ENTPD7: variants seen among roughly 807,000 people sequenced by gnomAD.
ENTPD7 encodes ectonucleoside triphosphate diphosphohydrolase 7, also known as NTPDase 7.
ENTPD7 carries 53 observed loss-of-function variants against 77.9 expected under a neutral mutation model. The ratio of observed to expected loss-of-function variants is 0.68; its 90% CI spans 0.55 to 0.85. The LOEUF (loss-of-function observed/expected upper bound fraction) is 0.85, where lower values mean the gene tolerates loss of function less well. ENTPD7 is among the 40% of genes least tolerant of loss of function. The pLI is 0.00. For missense variants in ENTPD7, 636 were observed against 743.7 expected, an observed-to-expected ratio of 0.86 and a Z score of 1.68; for synonymous variants, 248 against 274.9, an observed-to-expected ratio of 0.90 and a Z score of 0.97.
intron 3 of ENTPD7, among the ~76,000 whole-genome samples, chr10:99,665,694 T>C (rs992923729): frequency 6.6e-5 from 10 of 152,046 alleles, no homozygotes; most frequent in Admixed American, 2.0e-4. Context: ...CTTTTCTTTT[T>C]TTTTTTTCTT....
chr10:99,701,114 A>T (rs2036113880), intron 11 of ENTPD7, 56 bp downstream of exon 11: 7 of 1,343,600 alleles, frequency 5.2e-6, no homozygotes, highest in Non-Finnish European at 7.5e-6. Flanking sequence ...ATGGCAGATT[A>T]TAATGGAGAG....
chr10:99,677,211 T>C (rs1469625677), intron 3 of ENTPD7, among the ~76,000 whole-genome samples: 1 of 152,154 alleles, frequency 6.6e-6, no homozygotes, highest in Non-Finnish European at 1.5e-5. Flanking sequence ...TTTCTATTTG[T>C]AATGCTGAAT....
At chr10:99,702,055 A>G (rs527970462) in intron 11 of ENTPD7, among the ~76,000 whole-genome samples, 13 of 151,854 alleles carry the variant, frequency 8.6e-5, no homozygotes, top group African/African-American at 3.1e-4. Flanking sequence ...TCTCAAAAAA[A>G]AACAAAAATT....
At position 99,702,658 on chromosome 10, in the gene ENTPD7, G is replaced by A. The variant is rs201017032; in HGVS notation, c.1568G>A (p.Arg523Gln). ...CTGGGAGCCATTCTATATAAAACAC[G>A]ATTCTTACCACTCAGGTAAAGTAAG... ...WTLGAILYKT[R>Q]FLPLRDLRQE... is the part of the protein sequence containing the mutation. The change falls in exon 12 of 13, where the codon CGA (arginine) becomes CAA (glutamine). Residue 523 changes from arginine to glutamine, a missense_variant. Transcript: ENST00000370489. 440 of 1,611,004 alleles carry A rather than the reference G, an allele frequency of 2.7e-4. No homozygotes were observed. The highest frequency in any genetic ancestry group is 3.6e-4 in the Non-Finnish European group (428 of 1,178,880).
Position 99,669,611 on chromosome 10 carries a change from C to CT in ENTPD7, c.191+7990dup, listed in dbSNP as rs1239525309. On this transcript the variant is annotated intron_variant, in intron 3 of 12. Coordinates refer to ENST00000370489, the MANE Select transcript of ENTPD7 (RefSeq NM_020354.5). ...CCAAAACTGTGTTTTTTTTAATACA[C>CT]TTTTTTTAGAGCCATTTTAGTTTTA... 4.0e-5 allele frequency among the ~76,000 whole-genome samples: 6 copies of CT among 151,750 alleles called. No individual in the cohort carries two copies. The East Asian group carries it at 5.8e-4, about 15-fold the overall frequency.
At chr10:99,703,048 G>A (rs1180608110) in intron 12 of ENTPD7, among the ~76,000 whole-genome samples, 1 of 152,206 alleles carries the variant, frequency 6.6e-6, no homozygotes, top group Non-Finnish European at 1.5e-5. Flanking sequence ...CTAAAGAACA[G>A]GGGTAGGATG....
chr10:99,689,314 C>CAA (rs2035851916), intron 7 of ENTPD7, among the ~76,000 whole-genome samples: 1 of 152,090 alleles, frequency 6.6e-6, no homozygotes, highest in Non-Finnish European at 1.5e-5. Context: ...GAACAAGGGT[C>CAA]ATGCATTGCA....
At chr10:99,696,357 T>C (rs1367672626) in intron 9 of ENTPD7, among the ~76,000 whole-genome samples, 2 of 152,222 alleles carry the variant, frequency 1.3e-5, no homozygotes, top group African/African-American at 2.4e-5. Context: ...TATTGTGATC[T>C]CTTGCTGTTT....
At chr10:99,661,398 C>G (rs372989315) in intron 2 of ENTPD7, 48 bp from the exon 3 acceptor site, 116 of 1,495,456 alleles carry the variant, frequency 7.8e-5, no homozygotes, top group Non-Finnish European at 9.8e-5. Flanking sequence ...TATTTAAGCA[C>G]TCAGTTGTAG....
intron 12 of ENTPD7, among the ~76,000 whole-genome samples, 167 bp from the exon 13 acceptor site, chr10:99,704,285 G>A (rs1027213070): frequency 6.6e-6 from 1 of 152,190 alleles, no homozygotes; most frequent in African/African-American, 2.4e-5. Flanking sequence ...AGGGCTCCTG[G>A]GGCGGGGGAT....
chr10:99,680,521 C>T (rs2035739172), intron 5 of ENTPD7, among the ~76,000 whole-genome samples: 2 of 151,156 alleles, frequency 1.3e-5, no homozygotes, highest in Non-Finnish European at 3.0e-5. Context: ...AGCTCCCTGA[C>T]TTTTTTTTTA....
chr10:99,659,827 C>T lies in ENTPD7; in HGVS notation c.-95-35C>T. The T allele has an allele frequency of 7.6e-7, 1 of 1,318,826 alleles. No homozygotes were observed. Among genetic ancestry groups the T allele is most frequent in the Non-Finnish European group, 1.1e-6 (1 of 941,546 alleles). 81.7% of individuals were successfully genotyped at this position (1,318,826 alleles called of 1,614,324 possible). ...CCCGTGCAGGTTTGTCTCGTGGGCTCAGTCGGACAGAAGCCTGAAATCAAA... is the reference window on the plus strand; with the variant it reads ...CCCGTGCAGGTTTGTCTCGTGGGCTTAGTCGGACAGAAGCCTGAAATCAAA... On this transcript the variant is annotated intron_variant, in intron 1 of 12. Transcript: ENST00000370489. This position sits in a 1 kb window ranked among gnomAD's most constrained non-coding sequence, Gnocchi z 4.1.
intron 3 of ENTPD7, among the ~76,000 whole-genome samples, chr10:99,675,331 T>G (rs879098580): frequency 3.4e-5 from 5 of 148,328 alleles, no homozygotes; most frequent in South Asian, 2.1e-4. Flanking sequence ...GAATGTGTGT[T>G]TTTTTTTTTA....
intron 3 of ENTPD7, among the ~76,000 whole-genome samples, chr10:99,664,156 T>C (rs1373358838): frequency 6.6e-6 from 1 of 152,230 alleles, no homozygotes; most frequent in East Asian, 1.9e-4. Context: ...TATTTCTTTA[T>C]AGCAGTGATT....
At chr10:99,665,752 G>A (rs1453201558) in intron 3 of ENTPD7, among the ~76,000 whole-genome samples, 2 of 151,836 alleles carry the variant, frequency 1.3e-5, no homozygotes, top group African/African-American at 4.8e-5. Context: ...TGTTGCCCAG[G>A]CTGGTCTTGA....
At chr10:99,667,616 C>T (rs1408991534) in intron 3 of ENTPD7, among the ~76,000 whole-genome samples, 1 of 152,212 alleles carries the variant, frequency 6.6e-6, no homozygotes, top group African/African-American at 2.4e-5. Flanking sequence ...AAGATAGGCT[C>T]TCACATAAAG....
At chr10:99,673,297 G>A (rs2035638508) in intron 3 of ENTPD7, among the ~76,000 whole-genome samples, 1 of 152,062 alleles carries the variant, frequency 6.6e-6, no homozygotes, top group Admixed American at 6.6e-5. Context: ...GATGGCTAAG[G>A]CCATGGCTAC....
chr10:99,666,606 T>C (rs1391948118), intron 3 of ENTPD7, among the ~76,000 whole-genome samples: 5 of 152,206 alleles, frequency 3.3e-5, no homozygotes, highest in South Asian at 2.1e-4. Context: ...GAACTAGAGA[T>C]GCTCCTTGAC....
intron 6 of ENTPD7, among the ~76,000 whole-genome samples, chr10:99,687,239 T>TTTC (rs2035824881): frequency 1.3e-5 from 1 of 75,218 alleles, no homozygotes; most frequent in Non-Finnish European, 2.4e-5. Context: ...TTCATTTTTC[T>TTTC]TTTCTTTCTT....
Sources: gnomAD v4.1 joint callset for allele counts (sites outside exome capture counted in the v4.1 genomes callset) on GRCh38, gnomAD v4.1.1 for gene constraint, Gnocchi (gnomAD v3.1) non-coding constraint, MANE v1.5 for transcripts, NCBI Gene and HGNC (gene_info 2026-07-23, HGNC 2026-07-21) for gene names.